The following CPNE8 variants were observed in gnomAD, a reference collection of about 807,000 sequenced individuals.
CPNE8 encodes the protein copine 8.
CPNE8 carries 45 observed loss-of-function variants against 81.5 expected under a neutral mutation model. That is an observed-to-expected ratio of 0.55 (90% CI 0.44 to 0.71). The LOEUF is 0.71. Among genes scored for constraint, CPNE8 ranks in the 30% least tolerant of loss-of-function variants. CPNE8 has a pLI of 0.00. For missense variants in CPNE8, 594 were observed against 672.1 expected (o/e 0.88, Z 1.28); for synonymous variants, 252 against 226.3 (o/e 1.11, Z -1.02).
intron 6 of CPNE8, among the ~76,000 whole-genome samples, chr12:38,828,023 T>C (rs1356536641): frequency 6.6e-6 from 1 of 152,182 alleles, no homozygotes; most frequent in African/African-American, 2.4e-5. Flanking sequence ...TTCATAAAAA[T>C]CTCTATTCTG....
At position 38,808,785 on chromosome 12, in the gene CPNE8, T is replaced by TA. The variant is rs561314972; in HGVS notation, c.407+20593dup. ...AAAATAAAATAAAAAAAAGACTATATAAAAAAATGCTTAAAAACCAGTAAG... is the reference window on the plus strand; with the variant it reads ...AAAATAAAATAAAAAAAAGACTATATAAAAAAAATGCTTAAAAACCAGTAAG... On this transcript the variant is annotated intron_variant, in intron 6 of 19. Transcript: ENST00000331366. Among the ~76,000 whole-genome samples, 338 of 151,360 alleles carry TA rather than the reference T, an allele frequency of 2.2e-3. 1 individual carries two copies. Among genetic ancestry groups the TA allele is most frequent in the Non-Finnish European group, 4.0e-3 (274 of 67,780 alleles).
In CPNE8 at chr12:38,653,925, G is replaced by C. The variant is rs1227601742; in HGVS notation, c.1652C>G (p.Pro551Arg). The change falls in exon 20 of 20, where the codon CCC (proline) becomes CGC (arginine). Residue 551 changes from proline to arginine, a missense_variant. Physicochemically the swap from Pro to Arg is moderately radical, Grantham distance 103. Transcript: ENST00000331366. The stretch of plus-strand genomic sequence containing the variant: ...CACATGTGTAGGTGGGGTGTATGGG[G>C]GAGGCGCAGGTGATGGCTTGATTCC... ...ARGIKPSPAP[P>R]PYTPPTHVLQ... 6.2e-7 allele frequency: 1 copy of C among 1,613,430 alleles called. No individual in the cohort carries two copies. Among genetic ancestry groups the C allele is most frequent in the Non-Finnish European group, 8.5e-7 (1 of 1,179,924 alleles).
chr12:38,845,892 T>C (rs1156923308), intron 4 of CPNE8, among the ~76,000 whole-genome samples: 1 of 152,174 alleles, frequency 6.6e-6, no homozygotes, highest in African/African-American at 2.4e-5. Context: ...TCATATAAAA[T>C]GGAGATGTTC....
chr12:38,790,579 T>C (rs1454852835), intron 6 of CPNE8, among the ~76,000 whole-genome samples: 1 of 151,688 alleles, frequency 6.6e-6, no homozygotes, highest in African/African-American at 2.4e-5. Flanking sequence ...TTTAATTGTA[T>C]ATTTAAAAAT....
At chr12:38,872,907 G>T in intron 3 of CPNE8, 97 bp downstream of exon 3, 1 of 725,974 alleles carries the variant, frequency 1.4e-6, no homozygotes, top group Non-Finnish European at 2.3e-6. Flanking sequence ...GGGTTCAAAA[G>T]GACTTACAAT....
At chr12:38,791,587 T>C (rs1379417131) in intron 6 of CPNE8, among the ~76,000 whole-genome samples, 1 of 151,566 alleles carries the variant, frequency 6.6e-6, no homozygotes, top group Non-Finnish European at 1.5e-5. Context: ...AAACTAGCAT[T>C]AAACAACAAT....
chr12:38,671,697 G>GC (rs904353350), intron 18 of CPNE8, among the ~76,000 whole-genome samples: 1 of 151,940 alleles, frequency 6.6e-6, no homozygotes, highest in African/African-American at 2.4e-5. Context: ...CATCTCCCTG[G>GC]CCCCAATACT....
At chr12:38,820,867 G>T (rs1323889880) in intron 6 of CPNE8, among the ~76,000 whole-genome samples, 1 of 152,144 alleles carries the variant, frequency 6.6e-6, no homozygotes, top group East Asian at 1.9e-4. Context: ...TCTTCCTTTT[G>T]TTAGCATACA....
At chr12:38,788,008 C>T (rs80236389) in intron 6 of CPNE8, among the ~76,000 whole-genome samples, 1 of 144,742 alleles carries the variant, frequency 6.9e-6, no homozygotes, top group East Asian at 2.0e-4. Flanking sequence ...GACCCAATGG[C>T]TTCACTGATA....
chr12:38,690,258 C>T (rs1239547854), intron 15 of CPNE8, among the ~76,000 whole-genome samples: 2 of 152,126 alleles, frequency 1.3e-5, no homozygotes, highest in Non-Finnish European at 1.5e-5. Context: ...TTGTATTTGT[C>T]ATTTTCAGTA....
chr12:38,714,081 G>C (rs1940327426), intron 13 of CPNE8, among the ~76,000 whole-genome samples: 1 of 152,074 alleles, frequency 6.6e-6, no homozygotes, highest in African/African-American at 2.4e-5. Context: ...GAGAGACATA[G>C]AGGACTAAAA....
chr12:38,757,204 G>A (rs543791757), intron 10 of CPNE8, among the ~76,000 whole-genome samples: 1 of 152,096 alleles, frequency 6.6e-6, no homozygotes, highest in Admixed American at 6.5e-5. Flanking sequence ...AATGACACAT[G>A]TACAGGATTT....
intron 19 of CPNE8, among the ~76,000 whole-genome samples, chr12:38,661,034 G>C (rs1326972669): frequency 6.6e-6 from 1 of 152,182 alleles, no homozygotes; most frequent in Non-Finnish European, 1.5e-5. Flanking sequence ...TTCAACTATT[G>C]TGGAAGACAG....
chr12:38,696,886 A>G (rs942256972), intron 14 of CPNE8, among the ~76,000 whole-genome samples: 2 of 152,110 alleles, frequency 1.3e-5, no homozygotes, highest in Non-Finnish European at 1.5e-5. Context: ...TCTTTACAAA[A>G]AACACACAAA....
chr12:38,833,368 A>AAAAAG (rs1565640479), intron 5 of CPNE8, among the ~76,000 whole-genome samples: 4 of 151,314 alleles, frequency 2.6e-5, no homozygotes, highest in Admixed American at 1.3e-4. Flanking sequence ...AAAAAAAAAA[A>AAAAAG]AAAAGAAAAG....
intron 2 of CPNE8, among the ~76,000 whole-genome samples, chr12:38,873,365 T>C (rs1444495045): frequency 2.0e-5 from 3 of 152,172 alleles, no homozygotes; most frequent in Admixed American, 6.5e-5. Flanking sequence ...TTGAAATATT[T>C]CATTATGTTG....
chr12:38,767,129 A>G (rs962243608), intron 8 of CPNE8, among the ~76,000 whole-genome samples: 1 of 152,134 alleles, frequency 6.6e-6, no homozygotes, highest in Non-Finnish European at 1.5e-5. Flanking sequence ...ATATTAAATT[A>G]TGGTCTATAA....
chr12:38,729,499 T>C (rs369867519), intron 11 of CPNE8, among the ~76,000 whole-genome samples: 1 of 152,024 alleles, frequency 6.6e-6, no homozygotes, highest in Non-Finnish European at 1.5e-5. Context: ...ACATAAAATA[T>C]AGAAACTACT....
chr12:38,905,586 C>T lies in CPNE8; in HGVS notation c.-52G>A, dbSNP rs1362520850. ...CCGGCGCCCACAACCACAGCTCGGG[C>T]GGACTGAGGGCTAGCTCCCGTCAGG... On this transcript the variant is annotated 5_prime_UTR_variant, in exon 1 of 20. Coordinates refer to ENST00000331366, the MANE Select transcript of CPNE8 (RefSeq NM_153634.3). The T allele has an allele frequency of 6.5e-7, 1 of 1,539,484 alleles. No homozygotes were observed.
Sources: allele counts gnomAD v4.1 joint callset (sites outside exome capture counted in the v4.1 genomes callset), GRCh38; gene constraint gnomAD v4.1.1; transcripts MANE v1.5; gene names NCBI Gene and HGNC (gene_info 2026-07-23, HGNC 2026-07-21).